KCND2: variants seen among roughly 807,000 people sequenced by gnomAD.
The protein encoded by KCND2 is potassium voltage-gated channel subfamily D member 2, also known as A-type voltage-gated potassium channel KCND2.
In KCND2, 16 loss-of-function variants were observed where a neutral mutation model predicts 54.4. The observed-to-expected ratio is 0.29, with a 90% CI of 0.20 to 0.45. The LOEUF is 0.45. Ranked by LOEUF, KCND2 falls within the 20% of genes least tolerant of loss-of-function variation. The probability of loss-of-function intolerance (pLI) is 1.00; values close to 1 mark genes in which losing one functional copy is unlikely to be tolerated. For synonymous variants in KCND2, 317 were observed against 310.7 expected (o/e 1.02, Z -0.21); for missense variants, 486 against 824.2 (o/e 0.59, Z 5.02).
intron 1 of KCND2, among the ~76,000 whole-genome samples, chr7:120,526,098 C>T (rs1305316880): frequency 6.6e-6 from 1 of 152,106 alleles, no homozygotes; most frequent in Non-Finnish European, 1.5e-5. Flanking sequence ...TGACCCAATG[C>T]CCTCTCCCCA....
intron 1 of KCND2, among the ~76,000 whole-genome samples, chr7:120,728,703 C>T (rs919408874): frequency 6.6e-5 from 10 of 151,744 alleles, no homozygotes; most frequent in African/African-American, 2.2e-4. Flanking sequence ...GAATATAAAC[C>T]CCACATTATG....
intron 1 of KCND2, among the ~76,000 whole-genome samples, chr7:120,525,112 T>A (rs753197911): frequency 7.9e-5 from 12 of 152,216 alleles, no homozygotes; most frequent in Non-Finnish European, 1.6e-4. Flanking sequence ...GTTCCTATCA[T>A]TGTTTTAGAT....
intron 1 of KCND2, among the ~76,000 whole-genome samples, chr7:120,490,567 A>G (rs1186528870): frequency 1.3e-5 from 2 of 152,146 alleles, no homozygotes; most frequent in African/African-American, 4.8e-5. Context: ...TTTCACCAAA[A>G]TACCAAAGGT....
intron 1 of KCND2, among the ~76,000 whole-genome samples, chr7:120,291,845 C>T (rs1043420471): frequency 6.6e-6 from 1 of 151,864 alleles, no homozygotes; most frequent in African/African-American, 2.4e-5. Context: ...AGTCAACCAT[C>T]AATTTTTGTA....
Position 120,519,804 on chromosome 7 carries a change from G to T in KCND2, c.1116-213099G>T, listed in dbSNP as rs1297807020. Among the ~76,000 whole-genome samples, 4 of 152,064 alleles carry T rather than the reference G, an allele frequency of 2.6e-5. No individual in the cohort carries two copies. The East Asian group carries it at 7.7e-4, about 29-fold the overall frequency. On this transcript the variant is annotated intron_variant, in intron 1 of 5. Coordinates refer to ENST00000331113, the MANE Select transcript of KCND2 (RefSeq NM_012281.3). The stretch of plus-strand genomic sequence containing the variant: ...AAAACAAAATGAAATCTATTTTTAT[G>T]TACTTGGGGTTTTTACACTCGAGCC...
At chr7:120,629,414 A>G (rs1001635900) in intron 1 of KCND2, among the ~76,000 whole-genome samples, 1 of 151,922 alleles carries the variant, frequency 6.6e-6, no homozygotes, top group Non-Finnish European at 1.5e-5. Flanking sequence ...TGAACCCGGG[A>G]GGCGGAGTTT....
At chr7:120,526,067 A>T (rs148715972) in intron 1 of KCND2, among the ~76,000 whole-genome samples, 271 of 152,264 alleles carry the variant, frequency 1.8e-3, no homozygotes, top group African/African-American at 6.1e-3. Flanking sequence ...ACAGTATAAC[A>T]TAAGTCACTC....
chr7:120,591,941 A>G (rs1186865353), intron 1 of KCND2, among the ~76,000 whole-genome samples: 2 of 152,266 alleles, frequency 1.3e-5, no homozygotes, highest in Non-Finnish European at 2.9e-5. Context: ...ATGGTTTTAT[A>G]GAATAGCAAC....
intron 1 of KCND2, among the ~76,000 whole-genome samples, chr7:120,388,795 T>G (rs1352190262): frequency 6.6e-6 from 1 of 151,832 alleles, no homozygotes; most frequent in African/African-American, 2.4e-5. Flanking sequence ...AATATAATCC[T>G]GCTGTGGATT....
chr7:120,575,812 T>C (rs915836560), intron 1 of KCND2, among the ~76,000 whole-genome samples: 1 of 152,188 alleles, frequency 6.6e-6, no homozygotes, highest in East Asian at 1.9e-4. Flanking sequence ...GGTATCATTA[T>C]ATGGATAAGA....
chr7:120,289,037 AACACACACACACACAC>A (rs763897007), intron 1 of KCND2, among the ~76,000 whole-genome samples: 9 of 62,160 alleles, frequency 1.4e-4, no homozygotes, highest in African/African-American at 3.1e-4. Context: ...CAGAGACACA[AACACACACACACACAC>A]ACACACACAC....
At chr7:120,654,583 A>C (rs1295204442) in intron 1 of KCND2, among the ~76,000 whole-genome samples, 1 of 152,206 alleles carries the variant, frequency 6.6e-6, no homozygotes, top group Non-Finnish European at 1.5e-5. Flanking sequence ...ATTCAACAAG[A>C]TGGGGGGACT....
intron 1 of KCND2, among the ~76,000 whole-genome samples, chr7:120,473,337 T>C (rs2116264823): frequency 6.6e-6 from 1 of 152,322 alleles, no homozygotes; most frequent in East Asian, 1.9e-4. Flanking sequence ...AAATAATGTG[T>C]CTGGTGACAG....
At chr7:120,720,136 G>C (rs559978702) in intron 1 of KCND2, among the ~76,000 whole-genome samples, 130 of 152,068 alleles carry the variant, frequency 8.5e-4, no homozygotes, top group African/African-American at 3.0e-3. Context: ...AAAAAGCTTC[G>C]AGTGTACCCT....
chr7:120,388,493 G>C (rs949435735), intron 1 of KCND2, among the ~76,000 whole-genome samples: 1 of 151,966 alleles, frequency 6.6e-6, no homozygotes, highest in Middle Eastern at 3.2e-3. Context: ...CTCTGACTTA[G>C]ACTGGAGTGA....
intron 1 of KCND2, among the ~76,000 whole-genome samples, chr7:120,675,859 T>G (rs1343574954): frequency 6.2e-5 from 9 of 146,060 alleles, no homozygotes; most frequent in African/African-American, 2.0e-4. Context: ...TCTATTCTTT[T>G]TTTTTTTTTT....
chr7:120,390,613 A>T (rs1801059369), intron 1 of KCND2, among the ~76,000 whole-genome samples: 1 of 151,980 alleles, frequency 6.6e-6, no homozygotes, highest in Non-Finnish European at 1.5e-5. Flanking sequence ...AGTTATGTTA[A>T]AGCATTTCAA....
chr7:120,417,964 T>C (rs756091839), intron 1 of KCND2, among the ~76,000 whole-genome samples: 14 of 152,190 alleles, frequency 9.2e-5, no homozygotes, highest in Non-Finnish European at 1.8e-4. Flanking sequence ...TAGGATAAAA[T>C]ATTCATGTTA....
At chr7:120,586,281 T>G (rs1043576596) in intron 1 of KCND2, among the ~76,000 whole-genome samples, 1 of 152,002 alleles carries the variant, frequency 6.6e-6, no homozygotes, top group African/African-American at 2.4e-5. Context: ...AAAGTTAAAT[T>G]AGTGCTATCT....
Sources: allele counts gnomAD v4.1 joint callset (sites outside exome capture counted in the v4.1 genomes callset), GRCh38; gene constraint gnomAD v4.1.1; transcripts MANE v1.5; gene names NCBI Gene and HGNC (gene_info 2026-07-23, HGNC 2026-07-21).